The following ADCY2 variants were observed in gnomAD, a reference collection of about 807,000 sequenced individuals.
The protein encoded by ADCY2 is adenylate cyclase type 2.
A neutral mutation model predicts 125.2 loss-of-function variants in ADCY2; 31 were observed. The observed-to-expected ratio is 0.25, with a 90% CI of 0.19 to 0.33. The LOEUF (loss-of-function observed/expected upper bound fraction) is 0.33, where lower values mean the gene tolerates loss of function less well. Among genes scored for constraint, ADCY2 ranks in the 10% least tolerant of loss-of-function variants. The pLI is 1.00. For missense variants in ADCY2, 904 were observed against 1,418.2 expected (o/e 0.64, Z 5.82); for synonymous variants, 512 against 548.4 (o/e 0.93, Z 0.93).
intron 3 of ADCY2, among the ~76,000 whole-genome samples, chr5:7,589,504 A>AAAG (rs1736767001): frequency 1.4e-5 from 1 of 70,566 alleles, no homozygotes; most frequent in African/African-American, 3.3e-5. Context: ...GAAAGAAAGA[A>AAAG]AGAAAGAAAA....
In ADCY2 at chr5:7,557,201, A is replaced by ATATATATATATATATATG; in HGVS notation, c.570+36302_570+36303insTATATATATATATATATG. On this transcript the variant is annotated intron_variant, in intron 3 of 24. Transcript: ENST00000338316. The stretch of plus-strand genomic sequence containing the variant: ...CACATATTATATATGTGATATATAT[A>ATATATATATATATATATG]ACTCAAGTGAGTGTATCTAAATGAC... Among the ~76,000 whole-genome samples, 124 of 140,114 alleles carry ATATATATATATATATATG rather than the reference A, an allele frequency of 8.8e-4. 2 individuals carry two copies. Among genetic ancestry groups the ATATATATATATATATATG allele is most frequent in the Admixed American group, 1.7e-3 (24 of 14,198 alleles). 91.9% of individuals were successfully genotyped at this position (140,114 alleles called of 152,430 possible). A position where few individuals can be genotyped will look rare whatever the true frequency, so the allele number is the denominator to read the frequency against.
chr5:7,757,700 G>T (rs1241110798), intron 16 of ADCY2, 114 bp downstream of exon 16: 3 of 1,416,480 alleles, frequency 2.1e-6, no homozygotes, highest in Non-Finnish European at 2.8e-6. Flanking sequence ...CCACACCATA[G>T]CTGTGTTCAA....
At chr5:7,490,778 C>G (rs1238597002) in intron 2 of ADCY2, among the ~76,000 whole-genome samples, 2 of 152,094 alleles carry the variant, frequency 1.3e-5, no homozygotes, top group African/African-American at 4.8e-5. Flanking sequence ...GCCAAGCAAC[C>G]TTTCCAAAGA....
At chr5:7,809,728 G>T (rs1744873975) in intron 22 of ADCY2, among the ~76,000 whole-genome samples, 2 of 152,214 alleles carry the variant, frequency 1.3e-5, no homozygotes, top group Non-Finnish European at 2.9e-5. Context: ...CAAGTGCACA[G>T]AAGTATATCA....
At chr5:7,549,207 A>G (rs1735247679) in intron 3 of ADCY2, among the ~76,000 whole-genome samples, 1 of 152,202 alleles carries the variant, frequency 6.6e-6, no homozygotes, top group African/African-American at 2.4e-5. Flanking sequence ...GACTGACAGC[A>G]GAGCTGCTTC....
chr5:7,806,338 G>T (rs1744761590), intron 22 of ADCY2, among the ~76,000 whole-genome samples: 1 of 151,940 alleles, frequency 6.6e-6, no homozygotes, highest in Non-Finnish European at 1.5e-5. Flanking sequence ...ATTAAGACAT[G>T]TATAGAGACA....
At chr5:7,506,787 C>CTTTT (rs1362334771) in intron 2 of ADCY2, among the ~76,000 whole-genome samples, 1 of 107,026 alleles carries the variant, frequency 9.3e-6, no homozygotes, top group Non-Finnish European at 2.0e-5. Context: ...TGATGCGTTG[C>CTTTT]TCTTTTTTTT....
intron 2 of ADCY2, among the ~76,000 whole-genome samples, chr5:7,478,816 C>T (rs930013156): frequency 3.3e-5 from 5 of 152,114 alleles, no homozygotes; most frequent in Non-Finnish European, 7.4e-5. Flanking sequence ...CATAGTAAAA[C>T]ACTAATCCTT....
chr5:7,497,116 A>G (rs1383115967), intron 2 of ADCY2, among the ~76,000 whole-genome samples: 3 of 152,194 alleles, frequency 2.0e-5, no homozygotes, highest in Admixed American at 6.5e-5. Context: ...TGAAGATGCA[A>G]TGTTCTTTAA....
At chr5:7,426,572 C>T (rs1364463414) in intron 2 of ADCY2, among the ~76,000 whole-genome samples, 1 of 152,214 alleles carries the variant, frequency 6.6e-6, no homozygotes, top group Non-Finnish European at 1.5e-5. Flanking sequence ...CACCTCTTAA[C>T]ACTGTTGCAC....
Position 7,712,906 on chromosome 5 carries a change from T to G in ADCY2, c.1622+7T>G. The G allele has an allele frequency of 6.3e-7, 1 of 1,589,202 alleles. No homozygotes were observed. Among genetic ancestry groups the G allele is most frequent in the Non-Finnish European group, 8.6e-7 (1 of 1,158,312 alleles). On this transcript the variant is annotated splice_region_variant and intron_variant, in intron 11 of 24. Coordinates refer to ENST00000338316, the MANE Select transcript of ADCY2 (RefSeq NM_020546.3). ...TTCAAAATCGCACCTTAAGGTATGG[T>G]ATCTCTCTATCTGATTTTTTAAAGC...
intron 3 of ADCY2, among the ~76,000 whole-genome samples, chr5:7,609,956 G>A (rs555042326): frequency 1.2e-4 from 19 of 152,292 alleles, no homozygotes; most frequent in African/African-American, 4.3e-4. Context: ...CTTGAGCCTG[G>A]CCAAGTTGGA....
chr5:7,449,007 C>T (rs1461218951), intron 2 of ADCY2, among the ~76,000 whole-genome samples: 1 of 152,140 alleles, frequency 6.6e-6, no homozygotes, highest in Non-Finnish European at 1.5e-5. Context: ...AATGGAATTA[C>T]TGGGTCAAAT....
At chr5:7,463,560 A>G (rs182991143) in intron 2 of ADCY2, among the ~76,000 whole-genome samples, 1 of 150,190 alleles carries the variant, frequency 6.7e-6, no homozygotes, top group African/African-American at 2.5e-5. Flanking sequence ...TTGAAGCTGT[A>G]CTGTTGTTTC....
chr5:7,458,501 C>A (rs76992024), intron 2 of ADCY2, among the ~76,000 whole-genome samples: 2,304 of 152,078 alleles, frequency 0.015, 60 homozygotes, highest in African/African-American at 0.052. Context: ...CTCCAATATG[C>A]GTTTAGGAAA....
chr5:7,611,956 C>T (rs1737583404), intron 3 of ADCY2, among the ~76,000 whole-genome samples: 1 of 152,088 alleles, frequency 6.6e-6, no homozygotes, highest in Non-Finnish European at 1.5e-5. Context: ...CTATCCAGTG[C>T]CTGATGACAT....
chr5:7,760,631 TTC>T (rs775826895), intron 16 of ADCY2, among the ~76,000 whole-genome samples: 14 of 152,220 alleles, frequency 9.2e-5, no homozygotes, highest in South Asian at 2.1e-4. Context: ...CATTTTTTCT[TTC>T]TCTCATTGTA....
intron 3 of ADCY2, chr5:7,522,330 T>A (rs1231541134): frequency 1.3e-5 from 2 of 152,080 alleles, no homozygotes; most frequent in African/African-American, 4.8e-5. Context: ...TTTGACCAAC[T>A]TTTCCCCATT....
chr5:7,598,219 G>A (rs72710462), intron 3 of ADCY2, among the ~76,000 whole-genome samples: 13,631 of 152,162 alleles, frequency 0.09, 693 homozygotes, highest in South Asian at 0.17. Flanking sequence ...AAACGTTAGA[G>A]AAAGGGAAAG....
Sources: gnomAD v4.1 joint callset for allele counts (sites outside exome capture counted in the v4.1 genomes callset) on GRCh38, gnomAD v4.1.1 for gene constraint, MANE v1.5 for transcripts, NCBI Gene and HGNC (gene_info 2026-07-23, HGNC 2026-07-21) for gene names.